PCDH7: variants seen among roughly 807,000 people sequenced by gnomAD.
The protein encoded by PCDH7 is protocadherin 7, also known as protocadherin-7.
Under a neutral mutation model 58.9 loss-of-function variants are expected in PCDH7, and 17 were observed. That is an observed-to-expected ratio of 0.29 (90% CI 0.20 to 0.43). The LOEUF is 0.43. Among genes scored for constraint, PCDH7 ranks in the 20% least tolerant of loss-of-function variants. The probability of loss-of-function intolerance (pLI) is 1.00; values close to 1 mark genes in which losing one functional copy is unlikely to be tolerated. For synonymous variants in PCDH7, 664 were observed against 616.4 expected, an observed-to-expected ratio of 1.08 and a Z score of -1.14; for missense variants, 1,274 against 1,441.0, an observed-to-expected ratio of 0.88 and a Z score of 1.88.
At chr4:31,041,822 T>C (rs1755894877) in intron 3 of PCDH7, among the ~76,000 whole-genome samples, 1 of 152,160 alleles carries the variant, frequency 6.6e-6, no homozygotes, top group African/African-American at 2.4e-5. Flanking sequence ...AATGCTGCTT[T>C]ATAAAAGCAA....
intron 3 of PCDH7, among the ~76,000 whole-genome samples, chr4:31,130,894 G>A (rs536861208): frequency 6.6e-6 from 1 of 152,198 alleles, no homozygotes; most frequent in South Asian, 2.1e-4. Flanking sequence ...CCTATGTTAA[G>A]GTTAGTTTAT....
intron 3 of PCDH7, among the ~76,000 whole-genome samples, chr4:30,985,965 C>CAT (rs201728031): frequency 0.032 from 4,817 of 152,264 alleles, 111 homozygotes; most frequent in Non-Finnish European, 0.053. Context: ...TCCTCTGACC[C>CAT]TGTAACAACA....
At chr4:30,788,502 T>C (rs951299324) in intron 1 of PCDH7, among the ~76,000 whole-genome samples, 1 of 152,118 alleles carries the variant, frequency 6.6e-6, no homozygotes, top group African/African-American at 2.4e-5. Flanking sequence ...GCCAACAAAC[T>C]GTATAATTCT....
intron 3 of PCDH7, among the ~76,000 whole-genome samples, chr4:31,132,012 A>G (rs1405405223): frequency 1.3e-5 from 2 of 152,146 alleles, no homozygotes; most frequent in African/African-American, 4.8e-5. Flanking sequence ...TTCATTTTAG[A>G]TTTTCACATA....
At chr4:31,136,497 G>A (rs2109342418) in intron 3 of PCDH7, among the ~76,000 whole-genome samples, 1 of 152,272 alleles carries the variant, frequency 6.6e-6, no homozygotes, top group African/African-American at 2.4e-5. Flanking sequence ...CCACAGCAAG[G>A]ATTGATTGAT....
intron 1 of PCDH7, among the ~76,000 whole-genome samples, chr4:30,912,233 G>T (rs1347461855): frequency 6.6e-6 from 1 of 152,136 alleles, no homozygotes; most frequent in Admixed American, 6.6e-5. Context: ...ACTAAAGTTT[G>T]TTTCAGAGTT....
chr4:31,054,534 G>C (rs1426347075), intron 3 of PCDH7, among the ~76,000 whole-genome samples: 3 of 152,190 alleles, frequency 2.0e-5, no homozygotes, highest in African/African-American at 7.2e-5. Context: ...TTTCACAGAA[G>C]AGATACTGCT....
At chr4:30,804,525 A>G (rs1258797494) in intron 1 of PCDH7, among the ~76,000 whole-genome samples, 2 of 149,896 alleles carry the variant, frequency 1.3e-5, no homozygotes, top group Non-Finnish European at 3.0e-5. Flanking sequence ...GCAACAGAGC[A>G]AGACTATCTA....
chr4:31,134,678 T>C (rs1719383645), intron 3 of PCDH7, among the ~76,000 whole-genome samples: 1 of 152,146 alleles, frequency 6.6e-6, no homozygotes, highest in Non-Finnish European at 1.5e-5. Flanking sequence ...ACTTCTCACA[T>C]TTCTGTGGAT....
intron 3 of PCDH7, among the ~76,000 whole-genome samples, chr4:31,090,935 A>G (rs1403668124): frequency 6.6e-6 from 1 of 152,074 alleles, no homozygotes; most frequent in Non-Finnish European, 1.5e-5. Flanking sequence ...TTTTAAAGAT[A>G]CAAAACTGTT....
In PCDH7 at chr4:31,108,369, T is replaced by TAAAAAAAA. The variant is rs71190491; in HGVS notation, c.*8-34071_*8-34064dup. ...GTAGACTGTAACATACAGCATACAGTAAAAAAAAAAAAAAAAAAAAAAAAA... is the reference window on the plus strand; with the variant it reads ...GTAGACTGTAACATACAGCATACAGTAAAAAAAAAAAAAAAAAAAAAAAAAAAAAAAAA... On this transcript the variant is annotated intron_variant, in intron 3 of 3. Transcript: ENST00000509759. 5.7e-4 allele frequency among the ~76,000 whole-genome samples: 34 copies of TAAAAAAAA among 60,090 alleles called. 1 individual carries two copies. The highest frequency in any genetic ancestry group is 6.7e-4 in the Non-Finnish European group (18 of 27,012). The allele number at this position is 60,090 out of a possible 152,430, so 39.4% of individuals were successfully genotyped here.
chr4:31,065,250 G>C (rs534828603), intron 3 of PCDH7, among the ~76,000 whole-genome samples: 30 of 151,966 alleles, frequency 2.0e-4, no homozygotes, highest in Admixed American at 1.3e-4. Flanking sequence ...CTTCAGTCTA[G>C]TGTACTTAGC....
At chr4:30,954,842 T>A (rs1747688337) in intron 3 of PCDH7, among the ~76,000 whole-genome samples, 1 of 152,144 alleles carries the variant, frequency 6.6e-6, no homozygotes, top group South Asian at 2.1e-4. Flanking sequence ...AAACTATATT[T>A]AACCTCCCTG....
chr4:31,133,995 A>G (rs1033467794), intron 3 of PCDH7, among the ~76,000 whole-genome samples: 1 of 152,222 alleles, frequency 6.6e-6, no homozygotes, highest in African/African-American at 2.4e-5. Flanking sequence ...ACTCCTAGGT[A>G]TAACACAGTG....
At chr4:31,074,440 A>G (rs901000619) in intron 3 of PCDH7, among the ~76,000 whole-genome samples, 1 of 151,988 alleles carries the variant, frequency 6.6e-6, no homozygotes, top group Non-Finnish European at 1.5e-5. Flanking sequence ...GACTGGAAAG[A>G]TAAATGTGTC....
chr4:31,105,963 C>A (rs565553974), intron 3 of PCDH7, among the ~76,000 whole-genome samples: 1 of 151,020 alleles, frequency 6.6e-6, no homozygotes, highest in African/African-American at 2.4e-5. Context: ...GCCGTAATCG[C>A]GCCACTGCAC....
intron 1 of PCDH7, among the ~76,000 whole-genome samples, chr4:30,760,179 T>C (rs2109267911): frequency 6.6e-6 from 1 of 152,284 alleles, no homozygotes; most frequent in African/African-American, 2.4e-5. Flanking sequence ...TCACAAAAAT[T>C]TCTCCTACAA....
rs1383850580 is a variant in PCDH7, at chr4:30,964,252, T to TTA, written c.*7+14038_*7+14039insAT. On this transcript the variant is annotated intron_variant, in intron 3 of 3. Transcript: ENST00000509759. ...TTTATTTATTTATTTATTTATTTAT[T>TTA]TTTTTTTGAGATGAAATCTGGCTCT... 4.0e-3 allele frequency among the ~76,000 whole-genome samples: 378 copies of TTA among 94,300 alleles called. 2 individuals carry two copies. The highest frequency in any genetic ancestry group is 0.011 in the African/African-American group (358 of 31,736). 61.9% of individuals were successfully genotyped at this position (94,300 alleles called of 152,430 possible). A position where few individuals can be genotyped will look rare whatever the true frequency, so the allele number is the denominator to read the frequency against.
In PCDH7 at chr4:30,723,668, C is replaced by T. The variant is rs770540673; in HGVS notation, c.2246C>T (p.Ser749Phe). Residue 749 changes from serine to phenylalanine, a missense_variant, in exon 1 of 2, where the codon TCC becomes TTC. Around this residue, in one of 3 missense-constraint regions of PCDH7, gnomAD observed 731 missense variants for 881.9 expected, o/e 0.83. Transcript: ENST00000361762. The surrounding 1 kb of genome is among the most constrained non-coding windows in gnomAD (Gnocchi z 4.6). ...ACAGTTACCCTTCCCAAAAACATTT[C>T]CTACACTTTACTGCCACCTTCGAGT... The T allele has an allele frequency of 6.2e-7, 1 of 1,614,144 alleles. No individual in the cohort carries two copies. The highest frequency in any genetic ancestry group is 1.1e-5 in the South Asian group (1 of 91,080).
Sources: gnomAD v4.1 joint callset for allele counts (sites outside exome capture counted in the v4.1 genomes callset) on GRCh38, gnomAD v4.1.1 for gene constraint, gnomAD v4.1.1 regional missense constraint, Gnocchi (gnomAD v3.1) non-coding constraint, MANE v1.5 for transcripts, NCBI Gene and HGNC (gene_info 2026-07-23, HGNC 2026-07-21) for gene names.